Variants in ANKFN1 observed in about 807,000 individuals in gnomAD.
The protein encoded by ANKFN1 is ankyrin repeat and fibronectin type III domain containing 1, also known as ankyrin repeat and fibronectin type-III domain-containing protein 1.
In ANKFN1, 74 loss-of-function variants were observed where a neutral mutation model predicts 108.7. The observed-to-expected ratio is 0.68, with a 90% confidence interval of 0.56 to 0.83. ANKFN1 has a LOEUF of 0.83. Among genes scored for constraint, ANKFN1 ranks in the 40% least tolerant of loss-of-function variants. ANKFN1 has a pLI of 0.00. For missense variants in ANKFN1, 1,505 were observed against 1,382.3 expected, an observed-to-expected ratio of 1.09 and a Z score of -1.41; for synonymous variants, 547 against 516.2, an observed-to-expected ratio of 1.06 and a Z score of -0.81.
At chr17:56,170,807 T>TATATATATATATACATACACACACAC (rs1361307404) in intron 1 of ANKFN1, among the ~76,000 whole-genome samples, 1 of 61,452 alleles carries the variant, frequency 1.6e-5, no homozygotes, top group African/African-American at 7.0e-5. Context: ...TATATATATA[T>TATATATATATATACATACACACACAC]ACACACACAC....
At position 56,293,693 on chromosome 17, in the gene ANKFN1, C is replaced by A. The variant is rs145592339; in HGVS notation, c.54-32528C>A. Among the ~76,000 whole-genome samples the A allele has an allele frequency of 3.9e-3, 601 of 152,242 alleles. 3 individuals carry two copies. The highest frequency in any genetic ancestry group is 0.014 in the African/African-American group (567 of 41,536). On this transcript the variant is annotated intron_variant, in intron 3 of 20. Coordinates refer to ENST00000682825, the MANE Select transcript of ANKFN1 (RefSeq NM_001370326.1). Reference sequence around the variant, plus strand: ...GATGCTACCCAGGAGACTTGTGACCCCAAATCGAAAGACTTTCTACTCTGA... The same window carrying A: ...GATGCTACCCAGGAGACTTGTGACCACAAATCGAAAGACTTTCTACTCTGA...
intron 3 of ANKFN1, among the ~76,000 whole-genome samples, chr17:56,311,187 A>G (rs1013206052): frequency 4.7e-5 from 7 of 150,386 alleles, no homozygotes; most frequent in Admixed American, 6.6e-5. Flanking sequence ...GTGTGTGTGT[A>G]CCACATTTCT....
intron 4 of ANKFN1, among the ~76,000 whole-genome samples, chr17:56,073,029 G>A (rs1484996494): frequency 6.6e-6 from 1 of 150,908 alleles, no homozygotes; most frequent in Non-Finnish European, 1.5e-5. Context: ...GTCTCGCTCT[G>A]TCGCCCAGGC....
At chr17:56,293,713 C>T (rs1001543226) in intron 3 of ANKFN1, among the ~76,000 whole-genome samples, 2 of 152,216 alleles carry the variant, frequency 1.3e-5, no homozygotes, top group African/African-American at 4.8e-5. Context: ...AGACTTTCTA[C>T]TCTGAGATTT....
intron 2 of ANKFN1, among the ~76,000 whole-genome samples, chr17:56,223,549 C>T (rs182083359): frequency 3.4e-4 from 52 of 152,098 alleles, no homozygotes; most frequent in African/African-American, 7.7e-4. Context: ...ATTCCAATAC[C>T]GTAGGAGAAG....
chr17:56,427,578 C>G (rs1191792318), intron 8 of ANKFN1, among the ~76,000 whole-genome samples: 1 of 151,944 alleles, frequency 6.6e-6, no homozygotes, highest in Non-Finnish European at 1.5e-5. Context: ...AAATGCATAA[C>G]AAGGAAATCA....
At chr17:56,270,285 C>T (rs1005288067) in intron 3 of ANKFN1, among the ~76,000 whole-genome samples, 3 of 152,184 alleles carry the variant, frequency 2.0e-5, no homozygotes, top group Non-Finnish European at 4.4e-5. Context: ...TGAGACAGGG[C>T]AGCTTGCCCA....
rs978300019 is a variant in ANKFN1 at position 56,511,979 on chromosome 17, G to A, written c.*710G>A. Among the ~76,000 whole-genome samples the A allele has an allele frequency of 2.0e-5, 3 of 152,126 alleles. No homozygotes were observed. The East Asian group carries it at 5.8e-4, about 29-fold the overall frequency. Reference sequence around the variant, plus strand: ...AGCTCTACCTTGCAAAGATAGAATAGGACAGAAAGTAGCCCTTCCTGTATA... The same window carrying A: ...AGCTCTACCTTGCAAAGATAGAATAAGACAGAAAGTAGCCCTTCCTGTATA... On this transcript the variant is annotated 3_prime_UTR_variant, in exon 21 of 21. Transcript: ENST00000682825.
intron 3 of ANKFN1, among the ~76,000 whole-genome samples, chr17:56,320,746 AAGCTTTC>A (rs2045342416): frequency 6.6e-6 from 1 of 152,124 alleles, no homozygotes; most frequent in Admixed American, 6.6e-5. Context: ...TGTTCTTGGA[AAGCTTTC>A]AGTGAAGTGT....
intron 6 of ANKFN1, among the ~76,000 whole-genome samples, chr17:56,365,118 G>A (rs550935480): frequency 8.5e-5 from 13 of 152,220 alleles, no homozygotes; most frequent in African/African-American, 2.6e-4. Context: ...GAAGGTTGTC[G>A]CTTATAATCA....
At chr17:56,342,388 T>C (rs1406193957) in intron 4 of ANKFN1, among the ~76,000 whole-genome samples, 8 of 151,994 alleles carry the variant, frequency 5.3e-5, no homozygotes, top group Admixed American at 5.3e-4. Context: ...TTTGTTGTGA[T>C]GTTAGGTTGT....
Position 56,449,150 on chromosome 17 carries a change from C to G in ANKFN1, c.1171C>G (p.Gln391Glu). 1.2e-6 allele frequency: 2 copies of G among 1,613,410 alleles called. No individual in the cohort carries two copies. Among genetic ancestry groups the G allele is most frequent in the Non-Finnish European group, 1.7e-6 (2 of 1,179,650 alleles). ...QSEVLEGLLQQVRALHQHYSC... is the reference protein window; with the variant it reads ...QSEVLEGLLQEVRALHQHYSC... ...TGAAGTTTTGGAAGGTCTGCTGCAGCAGGTCCGAGCCCTTCATCAGCATTA... is the reference window on the plus strand; with the variant it reads ...TGAAGTTTTGGAAGGTCTGCTGCAGGAGGTCCGAGCCCTTCATCAGCATTA... The change falls in exon 11 of 21, where the codon CAG becomes GAG. Residue 391 changes from glutamine (Q) to glutamate (E), a missense_variant. Physicochemically the swap from Gln to Glu is conservative, Grantham distance 29 (BLOSUM62 2). Coordinates refer to ENST00000682825, the MANE Select transcript of ANKFN1 (RefSeq NM_001370326.1).
At chr17:56,360,904 C>G (rs958808118) in intron 6 of ANKFN1, among the ~76,000 whole-genome samples, 2 of 152,072 alleles carry the variant, frequency 1.3e-5, no homozygotes, top group African/African-American at 4.8e-5. Context: ...TTCACAGATC[C>G]ATCACAACCC....
At chr17:56,080,963 C>T (rs1905238754) in intron 4 of ANKFN1, among the ~76,000 whole-genome samples, 1 of 152,222 alleles carries the variant, frequency 6.6e-6, no homozygotes, top group African/African-American at 2.4e-5. Context: ...AGGGGGCTGC[C>T]TCCTCCATGT....
intron 1 of ANKFN1, among the ~76,000 whole-genome samples, chr17:56,193,707 C>G (rs1440535422): frequency 2.6e-5 from 4 of 152,098 alleles, no homozygotes; most frequent in Admixed American, 2.6e-4. Flanking sequence ...TGTGGATGGT[C>G]TTTGATTTCA....
chr17:56,460,505 T>TTCTCCTTCCCCACAC (rs908643015), intron 14 of ANKFN1, among the ~76,000 whole-genome samples: 40 of 151,962 alleles, frequency 2.6e-4, no homozygotes, highest in African/African-American at 8.9e-4. Context: ...CCCACATCCC[T>TTCTCCTTCCCCACAC]TCTCCTTCCC....
In ANKFN1 at chr17:56,457,138, A is replaced by G. The variant is rs113516930; in HGVS notation, c.1308-119A>G. 1,104 of 1,161,096 alleles carry G rather than the reference A, an allele frequency of 9.5e-4. 6 individuals carry two copies. The highest frequency in any genetic ancestry group is 8.8e-3 in the African/African-American group (568 of 64,478). 71.9% of individuals were successfully genotyped at this position (1,161,096 alleles called of 1,614,324 possible). A position where few individuals can be genotyped will look rare whatever the true frequency, so the allele number is the denominator to read the frequency against. On this transcript the variant is annotated intron_variant, in intron 12 of 20. Coordinates refer to ENST00000682825, the MANE Select transcript of ANKFN1 (RefSeq NM_001370326.1). Reference sequence around the variant, plus strand: ...CTTTTGAGTTGTAACTAGTGAACTTATGATACTTAGCAGGAATACGTTCCT... The same window carrying G: ...CTTTTGAGTTGTAACTAGTGAACTTGTGATACTTAGCAGGAATACGTTCCT...
intron 18 of ANKFN1, 66 bp downstream of exon 18, chr17:56,482,590 A>T (rs761555946): frequency 1.3e-6 from 2 of 1,555,702 alleles, no homozygotes; most frequent in South Asian, 2.5e-5. Flanking sequence ...ACAAAGTTAT[A>T]TCTGTTCCCC....
At chr17:56,500,936 G>A (rs534901204) in intron 20 of ANKFN1, among the ~76,000 whole-genome samples, 25 of 152,244 alleles carry the variant, frequency 1.6e-4, no homozygotes, top group South Asian at 4.1e-4. Flanking sequence ...ATTTCAGATC[G>A]TGAAAATTCC....
Sources: gnomAD v4.1 joint callset for allele counts (sites outside exome capture counted in the v4.1 genomes callset) on GRCh38, gnomAD v4.1.1 for gene constraint, MANE v1.5 for transcripts, NCBI Gene and HGNC (gene_info 2026-07-23, HGNC 2026-07-21) for gene names.